Variants in PABPC4L observed in about 807,000 individuals in gnomAD.
The protein encoded by PABPC4L is poly(A) binding protein cytoplasmic 4 like, also known as polyadenylate-binding protein 4-like.
For missense variants in PABPC4L, 452 were observed against 451.4 expected (o/e 1.00, Z -0.01); for synonymous variants, 169 against 164.1 (o/e 1.03, Z -0.23).
At chr4:134,150,401 A>G in the PABPC4L span, among the ~76,000 whole-genome samples, 1 of 152,090 alleles carries the variant, frequency 6.6e-6, no homozygotes, top group Non-Finnish European at 1.5e-5. Flanking sequence ...TGGCATTTTT[A>G]GCAATGCTAT....
At chr4:134,063,771 C>A in the PABPC4L span, among the ~76,000 whole-genome samples, 1 of 151,678 alleles carries the variant, frequency 6.6e-6, no homozygotes, top group Non-Finnish European at 1.5e-5. Context: ...ATACTATAAC[C>A]AGACCAATAA....
the PABPC4L span, among the ~76,000 whole-genome samples, chr4:134,133,691 G>A: frequency 2.0e-5 from 3 of 151,810 alleles, no homozygotes; most frequent in Admixed American, 2.0e-4. Flanking sequence ...TCTGCGGAAA[G>A]GGTGGAAGGG....
the PABPC4L span, among the ~76,000 whole-genome samples, chr4:134,187,815 C>A: frequency 6.6e-6 from 1 of 151,808 alleles, no homozygotes; most frequent in East Asian, 1.9e-4. Flanking sequence ...TTTACTGTGA[C>A]TTTATATTCG....
At chr4:134,023,928 T>G in the PABPC4L span, among the ~76,000 whole-genome samples, 1 of 152,096 alleles carries the variant, frequency 6.6e-6, no homozygotes, top group East Asian at 1.9e-4. Flanking sequence ...AGAAAAAAAC[T>G]TATAAATCTA....
the PABPC4L span, among the ~76,000 whole-genome samples, chr4:133,988,300 C>T: frequency 1.3e-5 from 2 of 152,156 alleles, no homozygotes; most frequent in African/African-American, 4.8e-5. Context: ...AGTCCAAGGT[C>T]TCATCTGAGA....
At chr4:134,144,555 T>A in the PABPC4L span, among the ~76,000 whole-genome samples, 1 of 148,336 alleles carries the variant, frequency 6.7e-6, no homozygotes, top group African/African-American at 2.5e-5. Flanking sequence ...TAATGAGCTT[T>A]CTCTAAGCCA....
At chr4:134,057,566 C>T in the PABPC4L span, among the ~76,000 whole-genome samples, 1 of 152,054 alleles carries the variant, frequency 6.6e-6, no homozygotes, top group African/African-American at 2.4e-5. Flanking sequence ...CCTATTACTG[C>T]TCATTGAAGA....
the PABPC4L span, among the ~76,000 whole-genome samples, chr4:134,097,341 G>GA: frequency 1.3e-5 from 2 of 151,566 alleles, no homozygotes; most frequent in Admixed American, 6.6e-5. Flanking sequence ...ACTTGAGAAA[G>GA]AAAAAAAGAA....
At chr4:134,073,125 A>G in the PABPC4L span, among the ~76,000 whole-genome samples, 1 of 152,178 alleles carries the variant, frequency 6.6e-6, no homozygotes, top group Non-Finnish European at 1.5e-5. Context: ...CATTAACTTA[A>G]AAGTCCAAGT....
intron 1 of PABPC4L, 74 bp downstream of exon 1, chr4:134,201,644 G>A (rs769598628): frequency 2.1e-3 from 332 of 155,844 alleles, no homozygotes; most frequent in Non-Finnish European, 3.5e-3. Flanking sequence ...AGGCGTGGGG[G>A]AAGGGGAGGC....
At chr4:134,086,960 A>T in the PABPC4L span, among the ~76,000 whole-genome samples, 3 of 72,384 alleles carry the variant, frequency 4.1e-5, no homozygotes, top group African/African-American at 1.0e-4. Flanking sequence ...CCTTCCCCCC[A>T]CCCCACAACA....
the PABPC4L span, among the ~76,000 whole-genome samples, chr4:134,070,541 C>T: frequency 1.6e-3 from 248 of 152,200 alleles, 1 homozygote; most frequent in Non-Finnish European, 3.1e-3. Flanking sequence ...GTGAGGTACG[C>T]TCATGCCAGC....
At chr4:133,960,843 C>A in the PABPC4L span, among the ~76,000 whole-genome samples, 1 of 152,102 alleles carries the variant, frequency 6.6e-6, no homozygotes. Flanking sequence ...AGCCATAATG[C>A]TCCTAGGTAC....
At chr4:133,951,529 C>T in the PABPC4L span, among the ~76,000 whole-genome samples, 1 of 152,178 alleles carries the variant, frequency 6.6e-6, no homozygotes, top group Non-Finnish European at 1.5e-5. Context: ...TGCTGGCACA[C>T]ATTTGGGCCA....
chr4:134,087,507 C>T, the PABPC4L span, among the ~76,000 whole-genome samples: 2 of 152,112 alleles, frequency 1.3e-5, no homozygotes, highest in African/African-American at 4.8e-5. Context: ...TTTTACATGG[C>T]AGATCTCACA....
the PABPC4L span, among the ~76,000 whole-genome samples, chr4:133,959,646 G>A: frequency 2.4e-4 from 36 of 152,172 alleles, no homozygotes; most frequent in African/African-American, 8.7e-4. Flanking sequence ...ATTGTTATAA[G>A]CGCAATGAAG....
At chr4:133,963,795 C>T in the PABPC4L span, among the ~76,000 whole-genome samples, 1 of 151,974 alleles carries the variant, frequency 6.6e-6, no homozygotes, top group Non-Finnish European at 1.5e-5. Flanking sequence ...AGTGACACAA[C>T]CTATCAAAAC....
the PABPC4L span, among the ~76,000 whole-genome samples, chr4:134,039,015 A>G: frequency 5.9e-5 from 9 of 152,076 alleles, no homozygotes; most frequent in Non-Finnish European, 1.2e-4. Flanking sequence ...AGATTCTGGT[A>G]TGTTGTGTCT....
the PABPC4L span, among the ~76,000 whole-genome samples, chr4:134,039,227 A>G: frequency 6.6e-6 from 1 of 152,010 alleles, no homozygotes; most frequent in Non-Finnish European, 1.5e-5. Flanking sequence ...TTTTTTGAGG[A>G]GTGTTTTACT....
Sources: allele counts gnomAD v4.1 joint callset (sites outside exome capture counted in the v4.1 genomes callset), GRCh38; gene constraint gnomAD v4.1.1; transcripts MANE v1.5; gene names NCBI Gene and HGNC (gene_info 2026-07-23, HGNC 2026-07-21).